Variants in MPRIP observed in about 807,000 individuals in gnomAD.
MPRIP encodes the protein myosin phosphatase Rho interacting protein.
Under a neutral mutation model 234.9 loss-of-function variants are expected in MPRIP, and 59 were observed. That is an observed-to-expected ratio of 0.25 (90% CI 0.20 to 0.31). The LOEUF (loss-of-function observed/expected upper bound fraction) is 0.31, where lower values mean the gene tolerates loss of function less well. MPRIP is among the 10% of genes least tolerant of loss of function. The pLI, the probability that MPRIP is intolerant of heterozygous loss-of-function variation, is 1.00. For missense variants in MPRIP, 2,436 were observed against 3,071.0 expected, an observed-to-expected ratio of 0.79 and a Z score of 4.89; for synonymous variants, 1,144 against 1,263.9, an observed-to-expected ratio of 0.91 and a Z score of 2.01.
chr17:17,151,553 A>T (rs2045603771), intron 12 of MPRIP, among the ~76,000 whole-genome samples: 1 of 152,206 alleles, frequency 6.6e-6, no homozygotes, highest in Non-Finnish European at 1.5e-5. Flanking sequence ...CCTTCCCGCC[A>T]TGGTTGGCTA....
At chr17:17,148,304 C>A (rs1019747025) in intron 11 of MPRIP, among the ~76,000 whole-genome samples, 13 of 152,244 alleles carry the variant, frequency 8.5e-5, no homozygotes, top group African/African-American at 3.1e-4. Flanking sequence ...CTCTGGGGGT[C>A]CCTGAGGCCC....
intron 6 of MPRIP, among the ~76,000 whole-genome samples, 169 bp downstream of exon 6, chr17:17,136,619 T>TC (rs2090706362): frequency 6.6e-6 from 1 of 152,238 alleles, no homozygotes; most frequent in Admixed American, 6.5e-5. Context: ...GTTCTGAGAT[T>TC]CCCGGGCTCC....
At chr17:17,089,356 G>A (rs1029699382) in intron 3 of MPRIP, among the ~76,000 whole-genome samples, 6 of 152,132 alleles carry the variant, frequency 3.9e-5, no homozygotes, top group Admixed American at 1.3e-4. Flanking sequence ...TTGGCTCGTG[G>A]CCTCTTCCTG....
intron 4 of MPRIP, among the ~76,000 whole-genome samples, chr17:17,127,475 G>A (rs1026340004): frequency 5.9e-5 from 9 of 152,232 alleles, no homozygotes; most frequent in South Asian, 2.1e-4. Flanking sequence ...GGGCCTGAGC[G>A]CAGTGCTGAG....
intron 3 of MPRIP, among the ~76,000 whole-genome samples, chr17:17,098,174 C>T (rs540869932): frequency 2.0e-5 from 3 of 152,258 alleles, no homozygotes; most frequent in Admixed American, 6.5e-5. Flanking sequence ...GCGAGGAAAC[C>T]GCTGGCAGCA....
intron 1 of MPRIP, among the ~76,000 whole-genome samples, chr17:17,063,909 C>T (rs2088940861): frequency 6.6e-6 from 1 of 152,198 alleles, no homozygotes; most frequent in Non-Finnish European, 1.5e-5. Context: ...CCCCTGGCCA[C>T]CCGCTTGGGG....
rs181932439 is a variant in MPRIP at position 17,180,548 on chromosome 17, C to T, written c.7206+460C>T. 188 of 1,494,922 alleles carry T rather than the reference C, an allele frequency of 1.3e-4. No homozygotes were observed. The African/African-American group carries it at 2.0e-3, about 16-fold the overall frequency. 92.6% of individuals were successfully genotyped at this position (1,494,922 alleles called of 1,614,324 possible). A position where few individuals can be genotyped will look rare whatever the true frequency, so the allele number is the denominator to read the frequency against. ...ACAGGAGGGCGGGCGGAGGTGGGAG[C>T]GGCACCGCGTGTGTTTGGGATTGGT... is the stretch of plus-strand genomic sequence containing the variant. On this transcript the variant is annotated intron_variant, in intron 23 of 23. Transcript: ENST00000651222.
intron 3 of MPRIP, among the ~76,000 whole-genome samples, chr17:17,100,472 T>C (rs2089938090): frequency 6.6e-6 from 1 of 152,188 alleles, no homozygotes. Flanking sequence ...ATCTGTTGGC[T>C]CAGGGGTCCC....
chr17:17,188,954 C>T lies in MPRIP; in HGVS notation c.*4060C>T, dbSNP rs1206178113. 2.0e-5 allele frequency: 3 copies of T among 152,206 alleles called. No individual in the cohort carries two copies. Among genetic ancestry groups the T allele is most frequent in the Non-Finnish European group, 2.9e-5 (2 of 68,076 alleles). The allele number at this position is 152,206 out of a possible 1,614,324, so 9.4% of individuals were successfully genotyped here. ...AGGGGAAGCTCTGCTGGCCCCTGCT[C>T]CTTTGTATGTTGGGTGACTTTAATG... is the stretch of plus-strand genomic sequence containing the variant. On this transcript the variant is annotated 3_prime_UTR_variant, in exon 24 of 24. Coordinates refer to ENST00000651222, the MANE Select transcript of MPRIP (RefSeq NM_001364716.4).
intron 6 of MPRIP, among the ~76,000 whole-genome samples, chr17:17,137,512 C>A (rs1318521858): frequency 8.3e-4 from 105 of 126,360 alleles, no homozygotes; most frequent in Admixed American, 1.2e-3. Context: ...GATTGCATCT[C>A]AAAAAAAAAA....
In MPRIP at chr17:17,075,718, C is replaced by T. The variant is rs759342000; in HGVS notation, c.132C>T (p.Pro44=). 1.2e-6 allele frequency: 2 copies of T among 1,614,150 alleles called. No homozygotes were observed. Among genetic ancestry groups the T allele is most frequent in the Non-Finnish European group, 1.7e-6 (2 of 1,180,014 alleles). Residue 44 remains proline (P), a synonymous_variant, in exon 2 of 24, where the codon CCC becomes CCT. Coordinates refer to ENST00000651222, the MANE Select transcript of MPRIP (RefSeq NM_001364716.4). ...LNDEDLTQAK[P]IYGGWLLLAP... ...TCTTTTTTCTCCTCTAGGCAAAACC[C>T]ATTTATGGCGGTTGGCTGCTCCTGG...
At chr17:17,143,367 C>G (rs112542501) in intron 8 of MPRIP, among the ~76,000 whole-genome samples, 189 bp from the exon 9 acceptor site, 5 of 152,222 alleles carry the variant, frequency 3.3e-5, no homozygotes, top group African/African-American at 9.6e-5. Context: ...GCTCTATCAA[C>G]CAGGGCATCT....
chr17:17,184,465 A>G (rs888608399), intron 23 of MPRIP, among the ~76,000 whole-genome samples: 14 of 152,200 alleles, frequency 9.2e-5, no homozygotes, highest in African/African-American at 3.4e-4. Context: ...ATCCATTCAC[A>G]AGACAAGACA....
intron 12 of MPRIP, 57 bp from the exon 13 acceptor site, chr17:17,154,249 A>G (rs1250921328): frequency 2.0e-6 from 3 of 1,481,000 alleles, no homozygotes; most frequent in East Asian, 4.5e-5. Flanking sequence ...TTGGAGATGG[A>G]GGGCAGCAGG....
intron 1 of MPRIP, among the ~76,000 whole-genome samples, chr17:17,045,855 G>A (rs1175713701): frequency 6.6e-6 from 1 of 151,286 alleles, no homozygotes; most frequent in Admixed American, 6.6e-5. Context: ...GCCCAGGCTG[G>A]TGTGCAGTGG....
At chr17:17,135,973 C>T (rs1011416407) in intron 5 of MPRIP, among the ~76,000 whole-genome samples, 1 of 152,166 alleles carries the variant, frequency 6.6e-6, no homozygotes, top group African/African-American at 2.4e-5. Context: ...GGACCTGTCT[C>T]GAGGGTGTGT....
In MPRIP at chr17:17,166,946, G is replaced by T. The variant is rs1295950174; in HGVS notation, c.5355G>T (p.Gln1785His). Residue 1785 changes from glutamine to histidine, a missense_variant, in exon 16 of 24, where the codon CAG (glutamine) becomes CAT (histidine). Transcript: ENST00000651222. The surrounding 1 kb of genome is among the most constrained non-coding windows in gnomAD (Gnocchi z 4.4). ...CTATTCAGGAGGAGCTTGCCCAGCA[G>T]CTGAAGGAGAAGGCCAGCCTCTTAG... ...FVAIQEELAQQLKEKASLLEE... is the reference protein window; with the variant it reads ...FVAIQEELAQHLKEKASLLEE... The T allele has an allele frequency of 7.7e-7, 1 of 1,304,158 alleles. No homozygotes were observed. The highest frequency in any genetic ancestry group is 1.0e-6 in the Non-Finnish European group (1 of 988,978). The allele number at this position is 1,304,158 out of a possible 1,614,324, so 80.8% of individuals were successfully genotyped here.
intron 1 of MPRIP, among the ~76,000 whole-genome samples, chr17:17,054,638 C>G (rs2088638651): frequency 6.6e-6 from 1 of 151,952 alleles, no homozygotes. Flanking sequence ...ACACAAACTC[C>G]ACACAGGCAG....
intron 1 of MPRIP, among the ~76,000 whole-genome samples, chr17:17,065,381 A>ATTTTTTTTT (rs59705934): frequency 8.9e-6 from 1 of 111,810 alleles, no homozygotes; most frequent in African/African-American, 3.3e-5. Flanking sequence ...GCTTGAGATG[A>ATTTTTTTTT]TTTTTTTTTT....
Sources: gnomAD v4.1 joint callset for allele counts (sites outside exome capture counted in the v4.1 genomes callset) on GRCh38, gnomAD v4.1.1 for gene constraint, Gnocchi (gnomAD v3.1) non-coding constraint, MANE v1.5 for transcripts, NCBI Gene and HGNC (gene_info 2026-07-23, HGNC 2026-07-21) for gene names.